The following DMD variants were observed in gnomAD, a reference collection of about 807,000 sequenced individuals.
DMD encodes dystrophin.
Under a neutral mutation model 330.1 loss-of-function variants are expected in DMD, and 63 were observed. That is an observed-to-expected ratio of 0.19 (90% CI 0.16 to 0.24). DMD has a LOEUF of 0.24. Among genes scored for constraint, DMD ranks in the 10% least tolerant of loss-of-function variants. The probability of loss-of-function intolerance (pLI) is 1.00; values close to 1 mark genes in which losing one functional copy is unlikely to be tolerated. For synonymous variants in DMD, 1,223 were observed against 959.8 expected, an observed-to-expected ratio of 1.27 and a Z score of -5.07; for missense variants, 3,344 against 2,684.1, an observed-to-expected ratio of 1.25 and a Z score of -5.43.
chrX:31,529,722 G>C (rs1011642669), intron 55 of DMD, among the ~76,000 whole-genome samples: 1 of 111,901 alleles, frequency 8.9e-6, no homozygotes, highest in African/African-American at 3.3e-5. Context: ...CCCTCTCACC[G>C]TGGGGAGTAA....
At chrX:32,835,920 T>A (rs1447741321) in intron 4 of DMD, among the ~76,000 whole-genome samples, 1 of 111,640 alleles carries the variant, frequency 9.0e-6, no homozygotes, top group African/African-American at 3.3e-5. Flanking sequence ...GTGATTTTTT[T>A]AAACCAGGGT....
intron 13 of DMD, among the ~76,000 whole-genome samples, chrX:32,589,295 T>C (rs1366557088): frequency 3.6e-5 from 4 of 111,231 alleles, no homozygotes; most frequent in Non-Finnish European, 7.5e-5. Context: ...CAGCATAGAG[T>C]ATAATTATTA....
chrX:32,570,988 T>C (rs1245389519), intron 15 of DMD, among the ~76,000 whole-genome samples: 1 of 111,819 alleles, frequency 8.9e-6, no homozygotes, highest in Non-Finnish European at 1.9e-5. Context: ...GGCTGTAAAA[T>C]ATCCTCATCT....
At chrX:31,431,881 C>G (rs944350950) in intron 60 of DMD, among the ~76,000 whole-genome samples, 4 of 110,243 alleles carry the variant, frequency 3.6e-5, no homozygotes, top group Non-Finnish European at 7.6e-5. Flanking sequence ...GTGGCATGAT[C>G]TCAGCTCACT....
chrX:31,991,692 C>A (rs1442453131), intron 44 of DMD, among the ~76,000 whole-genome samples: 1 of 103,824 alleles, frequency 9.6e-6, no homozygotes, highest in South Asian at 4.4e-4. Flanking sequence ...TAAGCCTCAA[C>A]TGATGATTTT....
At chrX:31,786,762 C>T (rs2091321335) in intron 50 of DMD, among the ~76,000 whole-genome samples, 1 of 111,782 alleles carries the variant, frequency 8.9e-6, no homozygotes, top group African/African-American at 3.3e-5. Flanking sequence ...ACAAAAGTCT[C>T]GCCCATTTGC....
At chrX:31,241,927 T>C (rs1430263360) in intron 63 of DMD, among the ~76,000 whole-genome samples, 1 of 111,271 alleles carries the variant, frequency 9.0e-6, no homozygotes, top group Admixed American at 9.6e-5. Context: ...AGGCACTTAG[T>C]TCACCCCAGG....
intron 7 of DMD, among the ~76,000 whole-genome samples, chrX:32,717,422 G>A (rs1180817969): frequency 4.5e-5 from 5 of 111,633 alleles, no homozygotes; most frequent in Non-Finnish European, 7.5e-5. Flanking sequence ...GCTTCCATGT[G>A]GTGTTAATCC....
At chrX:32,633,661 G>A (rs1450350754) in intron 11 of DMD, among the ~76,000 whole-genome samples, 1 of 111,949 alleles carries the variant, frequency 8.9e-6, no homozygotes, top group Non-Finnish European at 1.9e-5. Flanking sequence ...ATAAAGAAAA[G>A]ACGCTTAATT....
intron 50 of DMD, among the ~76,000 whole-genome samples, chrX:31,790,210 A>T (rs1480874141): frequency 8.9e-6 from 1 of 111,907 alleles, no homozygotes; most frequent in East Asian, 2.8e-4. Context: ...AAGAGAAAGT[A>T]GGGTTAGTTT....
At chrX:32,698,077 A>G in intron 8 of DMD, 79 bp from the exon 9 acceptor site, 9 of 1,018,447 alleles carry the variant, frequency 8.8e-6, no homozygotes, top group South Asian at 8.3e-5. Flanking sequence ...ACTTTCCAAC[A>G]TGGTAGAAAA....
chrX:32,879,601 A>G (rs1326002613), intron 2 of DMD, among the ~76,000 whole-genome samples: 1 of 112,436 alleles, frequency 8.9e-6, no homozygotes, highest in African/African-American at 3.2e-5. Context: ...TTAATTTCCA[A>G]TAAACATATA....
chrX:32,217,207 CAAAT>C, intron 43 of DMD, 144 bp from the exon 44 acceptor site: 1 of 568,862 alleles, frequency 1.8e-6, no homozygotes, highest in Non-Finnish European at 2.8e-6. Flanking sequence ...TTTCAAGTAA[CAAAT>C]AAAAATTAAT....
chrX:31,206,499 G>C (rs937364784), intron 66 of DMD, 83 bp downstream of exon 66: 2 of 841,566 alleles, frequency 2.4e-6, no homozygotes, highest in Admixed American at 2.6e-5. Flanking sequence ...TGTCAAATAA[G>C]AACAGTCTGT....
At chrX:31,270,292 C>T (rs562152939) in intron 62 of DMD, among the ~76,000 whole-genome samples, 4 of 110,180 alleles carry the variant, frequency 3.6e-5, no homozygotes, top group Admixed American at 9.7e-5. Context: ...TCTCCCAGGA[C>T]CCTGACCAAA....
Position 32,123,202 on chromosome X carries a change from CATATATATATATAT to C in DMD, c.6438+93700_6438+93713del, listed in dbSNP as rs59017074. Among the ~76,000 whole-genome samples, 123 of 32,558 alleles carry C rather than the reference CATATATATATATAT, an allele frequency of 3.8e-3. 5 individuals are homozygous for C. The highest frequency in any genetic ancestry group is 0.02 in the Middle Eastern group (1 of 51). 28.3% of individuals were successfully genotyped at this position (32,558 alleles called of 115,157 possible). A position where few individuals can be genotyped will look rare whatever the true frequency, so the allele number is the denominator to read the frequency against. ...TAAGGTGAATGGTTTTGTGAGCATG[CATATATATATATAT>C]ATATATATATATATATATATATATA... On this transcript the variant is annotated intron_variant, in intron 44 of 78. Transcript: ENST00000357033.
chrX:32,107,666 T>C (rs2096571130), intron 44 of DMD, among the ~76,000 whole-genome samples: 1 of 110,780 alleles, frequency 9.0e-6, no homozygotes, highest in Admixed American at 9.7e-5. Flanking sequence ...AGGCCTTTAA[T>C]TAATTACATG....
At chrX:32,828,432 C>G (rs1283830451) in intron 4 of DMD, among the ~76,000 whole-genome samples, 1 of 106,048 alleles carries the variant, frequency 9.4e-6, no homozygotes, top group Non-Finnish European at 1.9e-5. Context: ...GATGTATATA[C>G]TGGATCAGAG....
chrX:31,718,459 C>T (rs983973383), intron 52 of DMD, among the ~76,000 whole-genome samples: 4 of 110,671 alleles, frequency 3.6e-5, no homozygotes, highest in Non-Finnish European at 7.6e-5. Flanking sequence ...TCCCCCCCGC[C>T]GGCTAAAATT....
Sources: allele counts gnomAD v4.1 joint callset (sites outside exome capture counted in the v4.1 genomes callset), GRCh38; gene constraint gnomAD v4.1.1; transcripts MANE v1.5; gene names NCBI Gene and HGNC (gene_info 2026-07-23, HGNC 2026-07-21).